KASH5: variants seen among roughly 807,000 people sequenced by gnomAD.
The protein encoded by KASH5 is protein KASH5.
In KASH5, 72 loss-of-function variants were observed where a neutral mutation model predicts 84.2. That is an observed-to-expected ratio of 0.85 (90% CI 0.71 to 1.04). KASH5 has a LOEUF of 1.04. Among genes scored for constraint, KASH5 ranks in the 50% least tolerant of loss-of-function variants. The pLI, the probability that KASH5 is intolerant of heterozygous loss-of-function variation, is 0.00. For synonymous variants in KASH5, 260 were observed against 279.1 expected (o/e 0.93, Z 0.68); for missense variants, 650 against 701.0 (o/e 0.93, Z 0.82).
At position 49,390,880 on chromosome 19, in the gene KASH5, G is replaced by A; in HGVS notation, c.-4G>A. The A allele has an allele frequency of 1.3e-6, 2 of 1,592,434 alleles. No homozygotes were observed. Among genetic ancestry groups the A allele is most frequent in the South Asian group, 1.1e-5 (1 of 88,468 alleles). ...CAGCAGCTGCGCCGCGGCAGGGGTG[G>A]CCCATGGACCTGCCCGAGGGCCCGG... On this transcript the variant is annotated 5_prime_UTR_variant, in exon 2 of 20. Transcript: ENST00000447857.
intron 9 of KASH5, among the ~76,000 whole-genome samples, chr19:49,400,470 T>C (rs188299813): frequency 4.3e-4 from 65 of 151,752 alleles, no homozygotes; most frequent in Non-Finnish European, 7.5e-4. Context: ...GTTCAAGTGA[T>C]TCTTCTGCCT....
At chr19:49,409,669 C>A in intron 14 of KASH5, 84 bp from the exon 15 acceptor site, 1 of 1,564,700 alleles carries the variant, frequency 6.4e-7, no homozygotes. Flanking sequence ...TTTTCAGCCG[C>A]ACACCTAAAC....
chr19:49,394,943 G>A, intron 3 of KASH5, 163 bp from the exon 4 acceptor site: 1 of 606,510 alleles, frequency 1.6e-6, no homozygotes, highest in South Asian at 2.1e-5. Flanking sequence ...GTGAAAAAGT[G>A]GACTCAGAGG....
intron 9 of KASH5, among the ~76,000 whole-genome samples, chr19:49,404,396 A>G: frequency 6.6e-6 from 1 of 152,310 alleles, no homozygotes; most frequent in South Asian, 2.1e-4. Context: ...TTTTATGTTC[A>G]GGTCCCATTT....
chr19:49,388,864 TCAG>T (rs1253524993), intron 1 of KASH5, among the ~76,000 whole-genome samples: 1 of 151,828 alleles, frequency 6.6e-6, no homozygotes, highest in Non-Finnish European at 1.5e-5. Context: ...TCTCCCCAGA[TCAG>T]CAGAGCCACC....
In KASH5 at chr19:49,393,682, CGTGTGT is replaced by C. The variant is rs34539350; in HGVS notation, c.44-761_44-756del. 3.4e-3 allele frequency: 484 copies of C among 142,524 alleles called. 3 individuals are homozygous for C. Among genetic ancestry groups the C allele is most frequent in the African/African-American group, 0.01 (406 of 39,072 alleles). The allele number at this position is 142,524 out of a possible 1,614,324, so 8.8% of individuals were successfully genotyped here. Reference sequence around the variant, plus strand: ...AACAGTAGACAAATAGACCCCAGGACGTGTGTGTGTGTGTGTGTGTGTGTGTGTGTG... The same window carrying C: ...AACAGTAGACAAATAGACCCCAGGACGTGTGTGTGTGTGTGTGTGTGTGTG... On this transcript the variant is annotated intron_variant, in intron 2 of 19. Transcript: ENST00000447857.
rs1161609215 is a variant in KASH5, at chr19:49,399,026, A to T, written c.631A>T (p.Thr211Ser). Residue 211 changes from threonine (T) to serine (S), a missense_variant and splice_region_variant, in exon 8 of 20, where the codon ACC becomes TCC. Thr to Ser is a moderately conservative substitution (Grantham distance 58, BLOSUM62 1). Transcript: ENST00000447857. The surrounding 1 kb of genome is among the most constrained non-coding windows in gnomAD (Gnocchi z 4.4). ...TCATCTGCCCCCACCCGCATTCAGCACCCAGCAGGCCCTGCAGTTTGCCAA... is the reference window on the plus strand; with the variant it reads ...TCATCTGCCCCCACCCGCATTCAGCTCCCAGCAGGCCCTGCAGTTTGCCAA... ...ILALRKQLHS[T>S]QQALQFAKAM... 6.4e-7 allele frequency: 1 copy of T among 1,551,056 alleles called. No individual in the cohort carries two copies. Among genetic ancestry groups the T allele is most frequent in the South Asian group, 1.2e-5 (1 of 83,996 alleles).
intron 12 of KASH5, among the ~76,000 whole-genome samples, 157 bp downstream of exon 12, chr19:49,407,828 T>C (rs1266629615): frequency 6.6e-6 from 1 of 152,200 alleles, no homozygotes; most frequent in African/African-American, 2.4e-5. Flanking sequence ...TGTCTCCCCC[T>C]CTGTTTCTGT....
At position 49,416,504 on chromosome 19, in the gene KASH5, T is replaced by C. The variant is rs1974908457; in HGVS notation, c.1375-511T>C. On this transcript the variant is annotated intron_variant, in intron 17 of 19. Transcript: ENST00000447857. This position sits in a 1 kb window ranked among gnomAD's most constrained non-coding sequence, Gnocchi z 5.4. Reference sequence around the variant, plus strand: ...CTGCACCTGGCCTGTAATGGCATGTTTTTAATTAGTAAAGCGCCTGCCGAT... The same window carrying C: ...CTGCACCTGGCCTGTAATGGCATGTCTTTAATTAGTAAAGCGCCTGCCGAT... 6.6e-6 allele frequency among the ~76,000 whole-genome samples: 1 copy of C among 152,182 alleles called. No homozygotes were observed. Among genetic ancestry groups the C allele is most frequent in the East Asian group, 1.9e-4 (1 of 5,194 alleles).
chr19:49,395,051 C>G lies in KASH5; in HGVS notation c.149-55C>G. ...TCCTGGTCCCAAGCTGCTGCCAGTC[C>G]ATACCCATCACTCCCCACCTGCCCC... On this transcript the variant is annotated intron_variant, in intron 3 of 19. Coordinates refer to ENST00000447857, the MANE Select transcript of KASH5 (RefSeq NM_144688.5). This position sits in a 1 kb window ranked among gnomAD's most constrained non-coding sequence, Gnocchi z 4.4. 1 of 1,416,746 alleles carries G rather than the reference C, an allele frequency of 7.1e-7. No homozygotes were observed. Among genetic ancestry groups the G allele is most frequent in the Non-Finnish European group, 9.5e-7 (1 of 1,050,818 alleles). The allele number at this position is 1,416,746 out of a possible 1,614,324, so 87.8% of individuals were successfully genotyped here.
In KASH5 at chr19:49,416,312, C is replaced by T. The variant is rs577431297; in HGVS notation, c.1375-703C>T. Among the ~76,000 whole-genome samples the T allele has an allele frequency of 6.6e-6, 1 of 152,296 alleles. No homozygotes were observed. The highest frequency in any genetic ancestry group is 1.5e-5 in the Non-Finnish European group (1 of 68,026). On this transcript the variant is annotated intron_variant, in intron 17 of 19. Coordinates refer to ENST00000447857, the MANE Select transcript of KASH5 (RefSeq NM_144688.5). This position sits in a 1 kb window ranked among gnomAD's most constrained non-coding sequence, Gnocchi z 5.4. ...GGTTCACACCATTCTCCTGCCTCAGCCTCCCAAGTAGCTGGGATTACAGGC... is the reference window on the plus strand; with the variant it reads ...GGTTCACACCATTCTCCTGCCTCAGTCTCCCAAGTAGCTGGGATTACAGGC...
chr19:49,409,549 C>T (rs544851798), intron 14 of KASH5, among the ~76,000 whole-genome samples: 2 of 152,318 alleles, frequency 1.3e-5, no homozygotes, highest in South Asian at 4.1e-4. Flanking sequence ...CACTCCTTAA[C>T]TTCATCTCGA....
At chr19:49,406,517 C>G (rs1210351869) in intron 9 of KASH5, among the ~76,000 whole-genome samples, 1 of 152,152 alleles carries the variant, frequency 6.6e-6, no homozygotes, top group Admixed American at 6.5e-5. Flanking sequence ...GCTGGGATTA[C>G]AGGCACGCAC....
rs1974152490 is a variant in KASH5, at chr19:49,395,709, G to A, written c.336-60G>A. 1 of 1,504,738 alleles carries A rather than the reference G, an allele frequency of 6.6e-7. No homozygotes were observed. The highest frequency in any genetic ancestry group is 9.0e-7 in the Non-Finnish European group (1 of 1,106,878). The allele number at this position is 1,504,738 out of a possible 1,614,324, so 93.2% of individuals were successfully genotyped here. ...TCCCACCTGCAATCCCCCTGCCTGT[G>A]GCTGGTGAGGACTGAGGGGCAGCTA... is the stretch of plus-strand genomic sequence containing the variant. On this transcript the variant is annotated intron_variant, in intron 4 of 19. Coordinates refer to ENST00000447857, the MANE Select transcript of KASH5 (RefSeq NM_144688.5). This position sits in a 1 kb window ranked among gnomAD's most constrained non-coding sequence, Gnocchi z 4.4.
chr19:49,389,803 G>C (rs1227714698), intron 1 of KASH5: 2 of 152,720 alleles, frequency 1.3e-5, no homozygotes, highest in Non-Finnish European at 2.9e-5. Context: ...TGGAATGGAG[G>C]CAGGATGGGG....
Position 49,397,736 on chromosome 19 carries a change from C to A in KASH5, c.467+19C>A. The stretch of plus-strand genomic sequence containing the variant: ...CCGAGCTGTACCTATCCTCACACCC[C>A]TCCCTGACCCTCCTGCCCACACCCT... On this transcript the variant is annotated intron_variant, in intron 6 of 19. Coordinates refer to ENST00000447857, the MANE Select transcript of KASH5 (RefSeq NM_144688.5). 1 of 1,611,894 alleles carries A rather than the reference C, an allele frequency of 6.2e-7. No individual in the cohort carries two copies. The highest frequency in any genetic ancestry group is 8.5e-7 in the Non-Finnish European group (1 of 1,178,652).
intron 9 of KASH5, among the ~76,000 whole-genome samples, chr19:49,406,111 A>G: frequency 6.7e-6 from 1 of 149,766 alleles, no homozygotes; most frequent in Admixed American, 6.6e-5. Flanking sequence ...CTGGGCAACA[A>G]AAGCAAAACT....
At chr19:49,394,164 C>A (rs1974097922) in intron 2 of KASH5, among the ~76,000 whole-genome samples, 3 of 152,158 alleles carry the variant, frequency 2.0e-5, no homozygotes, top group Admixed American at 2.0e-4. Context: ...TCTCTGAGTC[C>A]AGCCTGGGAG....
Position 49,409,628 on chromosome 19 carries a change from C to A in KASH5, c.1147-125C>A, listed in dbSNP as rs530872063. 3.3e-5 allele frequency: 41 copies of A among 1,253,770 alleles called. No homozygotes were observed. The African/African-American group carries it at 5.4e-4, about 16-fold the overall frequency. The allele number at this position is 1,253,770 out of a possible 1,614,324, so 77.7% of individuals were successfully genotyped here. A position where few individuals can be genotyped will look rare whatever the true frequency, so the allele number is the denominator to read the frequency against. On this transcript the variant is annotated intron_variant, in intron 14 of 19. Transcript: ENST00000447857. ...TTCTGCCCACTCCCCAACCCCAGCCCCACACCAGCCCTTTTCTATCTCTCA... is the reference window on the plus strand; with the variant it reads ...TTCTGCCCACTCCCCAACCCCAGCCACACACCAGCCCTTTTCTATCTCTCA...
Sources: gnomAD v4.1 joint callset for allele counts (sites outside exome capture counted in the v4.1 genomes callset) on GRCh38, gnomAD v4.1.1 for gene constraint, Gnocchi (gnomAD v3.1) non-coding constraint, MANE v1.5 for transcripts, NCBI Gene and HGNC (gene_info 2026-07-23, HGNC 2026-07-21) for gene names.